GPR39: variants seen among roughly 807,000 people sequenced by gnomAD.
The protein encoded by GPR39 is zinc sensing receptor.
A neutral mutation model predicts 18.4 loss-of-function variants in GPR39; 23 were observed. That is an observed-to-expected ratio of 1.25 (90% CI 0.90 to 1.77). The LOEUF (loss-of-function observed/expected upper bound fraction) is 1.77, where lower values mean the gene tolerates loss of function less well. GPR39 is among the 40% of genes most tolerant of loss of function. The pLI, the probability that GPR39 is intolerant of heterozygous loss-of-function variation, is 0.00. For missense variants in GPR39, 647 were observed against 602.4 expected, an observed-to-expected ratio of 1.07 and a Z score of -0.78; for synonymous variants, 280 against 257.9, an observed-to-expected ratio of 1.09 and a Z score of -0.82.
intron 1 of GPR39, among the ~76,000 whole-genome samples, chr2:132,468,590 C>T (rs988490727): frequency 3.3e-5 from 5 of 152,192 alleles, no homozygotes; most frequent in African/African-American, 2.4e-5. Flanking sequence ...GAACGTGAGA[C>T]TGAGAGGTTG....
intron 1 of GPR39, among the ~76,000 whole-genome samples, chr2:132,628,569 C>T (rs1334734134): frequency 1.3e-5 from 2 of 152,206 alleles, no homozygotes; most frequent in Non-Finnish European, 1.5e-5. Flanking sequence ...CTACTCTATT[C>T]TATCTATGCA....
chr2:132,608,609 G>T lies in GPR39; in HGVS notation c.857-36492G>T, dbSNP rs189897786. Among the ~76,000 whole-genome samples, 370 of 152,316 alleles carry T rather than the reference G, an allele frequency of 2.4e-3. 2 individuals carry two copies. Among genetic ancestry groups the T allele is most frequent in the Non-Finnish European group, 2.2e-3 (147 of 68,032 alleles). On this transcript the variant is annotated intron_variant, in intron 1 of 1. Transcript: ENST00000329321. Reference sequence around the variant, plus strand: ...CCACTGCTAAGCAGGTACAGATGCCGCTGCTTCTTGGAACCCTGCAAACAA... The same window carrying T: ...CCACTGCTAAGCAGGTACAGATGCCTCTGCTTCTTGGAACCCTGCAAACAA...
chr2:132,427,098 GGTACA>G (rs1680132421), intron 1 of GPR39, among the ~76,000 whole-genome samples: 2 of 85,628 alleles, frequency 2.3e-5, no homozygotes, highest in Non-Finnish European at 4.8e-5. Context: ...TACATATATA[GGTACA>G]TATATATATA....
At chr2:132,566,171 ATG>A (rs1177492837) in intron 1 of GPR39, among the ~76,000 whole-genome samples, 11 of 147,262 alleles carry the variant, frequency 7.5e-5, no homozygotes, top group African/African-American at 2.8e-4. Context: ...GCATTTTTTC[ATG>A]TGTTTTTTGG....
At chr2:132,637,777 C>T (rs1018182513) in intron 1 of GPR39, among the ~76,000 whole-genome samples, 1 of 152,166 alleles carries the variant, frequency 6.6e-6, no homozygotes, top group Non-Finnish European at 1.5e-5. Flanking sequence ...CCATCCATGC[C>T]GCTCCCAATG....
At chr2:132,437,924 G>A (rs1295696010) in intron 1 of GPR39, among the ~76,000 whole-genome samples, 1 of 152,224 alleles carries the variant, frequency 6.6e-6, no homozygotes, top group Non-Finnish European at 1.5e-5. Flanking sequence ...GGCTGCACCT[G>A]CAGCCTGAGT....
intron 1 of GPR39, among the ~76,000 whole-genome samples, chr2:132,599,214 A>G (rs73955749): frequency 0.22 from 33,412 of 152,104 alleles, 3,951 homozygotes; most frequent in African/African-American, 0.29. Flanking sequence ...GCGGGAGGTT[A>G]TGGATTTTCT....
intron 1 of GPR39, among the ~76,000 whole-genome samples, chr2:132,614,946 A>G (rs1439459156): frequency 6.6e-6 from 1 of 152,126 alleles, no homozygotes; most frequent in Non-Finnish European, 1.5e-5. Flanking sequence ...TTTATTTTCA[A>G]CCTTCTTTGT....
At chr2:132,591,085 A>C (rs1486460599) in intron 1 of GPR39, among the ~76,000 whole-genome samples, 1 of 150,166 alleles carries the variant, frequency 6.7e-6, no homozygotes, top group African/African-American at 2.5e-5. Context: ...CCCCGTCTCT[A>C]CTAAAAATAC....
chr2:132,624,736 G>A (rs565815036), intron 1 of GPR39, among the ~76,000 whole-genome samples: 1 of 152,336 alleles, frequency 6.6e-6, no homozygotes, highest in African/African-American at 2.4e-5. Context: ...ATTTGCTCAT[G>A]TTCTAGGGTG....
At position 132,645,501 on chromosome 2, in the gene GPR39, C is replaced by G. The variant is rs1682014498; in HGVS notation, c.1257C>G (p.Pro419=). The change falls in exon 2 of 2, where the codon CCC becomes CCG. Residue 419 remains proline (P), a synonymous_variant. Transcript: ENST00000329321. ...GCACTTTTCAGAGCGAGGCCGAGCC[C>G]CAGTCTAAGTCCCAGTCATTGAGTC... is the stretch of plus-strand genomic sequence containing the variant. ...FLSTFQSEAE[P]QSKSQSLSLE... The G allele has an allele frequency of 1.2e-6, 2 of 1,613,558 alleles. No individual in the cohort carries two copies. Among genetic ancestry groups the G allele is most frequent in the Admixed American group, 3.3e-5 (2 of 59,996 alleles).
chr2:132,601,482 A>G (rs1037844947), intron 1 of GPR39, among the ~76,000 whole-genome samples: 9 of 152,168 alleles, frequency 5.9e-5, no homozygotes, highest in African/African-American at 2.2e-4. Context: ...TAAAAGCCAT[A>G]TATGACAGTC....
intron 1 of GPR39, among the ~76,000 whole-genome samples, chr2:132,644,047 C>T (rs532302722): frequency 2.6e-5 from 4 of 152,282 alleles, no homozygotes; most frequent in African/African-American, 9.6e-5. Flanking sequence ...TGGCTCCTTA[C>T]GAAAAGAGAG....
chr2:132,426,723 T>TTACACTCA (rs1384557599), intron 1 of GPR39, among the ~76,000 whole-genome samples: 1 of 152,238 alleles, frequency 6.6e-6, no homozygotes, highest in Non-Finnish European at 1.5e-5. Context: ...AGAGCCATTC[T>TTACACTCA]GGCAAGCAGA....
intron 1 of GPR39, among the ~76,000 whole-genome samples, chr2:132,567,480 C>CTGTGCG (rs1680370932): frequency 6.6e-6 from 1 of 152,192 alleles, no homozygotes; most frequent in Non-Finnish European, 1.5e-5. Context: ...GCTCATGCTC[C>CTGTGCG]AGCCCTCTCT....
At chr2:132,637,494 T>A (rs576675585) in intron 1 of GPR39, among the ~76,000 whole-genome samples, 24 of 152,370 alleles carry the variant, frequency 1.6e-4, no homozygotes, top group Non-Finnish European at 3.1e-4. Context: ...GAGGCAGCCA[T>A]CTGTGGCATT....
intron 1 of GPR39, among the ~76,000 whole-genome samples, chr2:132,579,022 T>G (rs890403052): frequency 6.6e-6 from 1 of 151,852 alleles, no homozygotes; most frequent in African/African-American, 2.4e-5. Flanking sequence ...TTTTCTCTCT[T>G]CTTTTTTAAG....
chr2:132,607,074 T>C (rs369778665), intron 1 of GPR39, among the ~76,000 whole-genome samples: 3 of 152,006 alleles, frequency 2.0e-5, no homozygotes, highest in African/African-American at 7.3e-5. Context: ...TGGGGGCGGG[T>C]AATATGGATC....
intron 1 of GPR39, among the ~76,000 whole-genome samples, chr2:132,630,917 T>C (rs565479233): frequency 6.8e-4 from 103 of 152,270 alleles, no homozygotes; most frequent in Non-Finnish European, 6.6e-4. Context: ...TTAATTCAGT[T>C]TGGACATGTC....
Sources: gnomAD v4.1 joint callset for allele counts (sites outside exome capture counted in the v4.1 genomes callset) on GRCh38, gnomAD v4.1.1 for gene constraint, MANE v1.5 for transcripts, NCBI Gene and HGNC (gene_info 2026-07-23, HGNC 2026-07-21) for gene names.